UROC1: variants seen among roughly 807,000 people sequenced by gnomAD.
UROC1 encodes urocanate hydratase.
UROC1 carries 79 observed loss-of-function variants against 89.5 expected under a neutral mutation model. The observed-to-expected ratio is 0.88, with a 90% CI of 0.74 to 1.06. The LOEUF is 1.06. Among genes scored for constraint, UROC1 ranks in the 50% least tolerant of loss-of-function variants. UROC1 has a pLI of 0.00. For missense variants in UROC1, 885 were observed against 907.8 expected (o/e 0.97, Z 0.32); for synonymous variants, 361 against 354.8 (o/e 1.02, Z -0.20).
At chr3:126,508,666 T>C (rs535356113) in intron 3 of UROC1, among the ~76,000 whole-genome samples, 191 bp from the exon 4 acceptor site, 3 of 152,150 alleles carry the variant, frequency 2.0e-5, no homozygotes, top group Admixed American at 6.5e-5. Flanking sequence ...AGGGTTCAGC[T>C]TGGGGTCAGG....
At chr3:126,483,729 G>A (rs1024965355) in intron 18 of UROC1, among the ~76,000 whole-genome samples, 1 of 152,176 alleles carries the variant, frequency 6.6e-6, no homozygotes, top group Non-Finnish European at 1.5e-5. Flanking sequence ...ACCACCCATT[G>A]GAGGTCATCC....
In UROC1 at chr3:126,505,854, G is replaced by A. The variant is rs1395098099; in HGVS notation, c.670-10C>T. 1 of 1,613,486 alleles carries A rather than the reference G, an allele frequency of 6.2e-7. No individual in the cohort carries two copies. The highest frequency in any genetic ancestry group is 8.5e-7 in the Non-Finnish European group (1 of 1,180,012). ...CATTCAACACGGTGAGCTGCAGGGA[G>A]AAGAGGTGGGGGCTCACTGCCCACT... On this transcript the variant is annotated splice_polypyrimidine_tract_variant and intron_variant, in intron 7 of 19. Coordinates refer to ENST00000290868, the MANE Select transcript of UROC1 (RefSeq NM_144639.3).
intron 3 of UROC1, among the ~76,000 whole-genome samples, chr3:126,509,066 A>G (rs911434610): frequency 1.3e-5 from 2 of 152,074 alleles, no homozygotes; most frequent in African/African-American, 4.8e-5. Context: ...TATAGATTAC[A>G]TGTTAAAATA....
intron 18 of UROC1, 95 bp downstream of exon 18, chr3:126,488,103 G>T: frequency 2.2e-6 from 3 of 1,344,328 alleles, no homozygotes; most frequent in Non-Finnish European, 3.2e-6. Flanking sequence ...GGGAGGTAGG[G>T]CCCAGGACTT....
At chr3:126,498,643 G>A (rs753459347) in intron 13 of UROC1, among the ~76,000 whole-genome samples, 31 of 152,032 alleles carry the variant, frequency 2.0e-4, no homozygotes, top group Admixed American at 2.0e-4. Context: ...AGGCCAGGGG[G>A]TGCCTCCTCC....
intron 12 of UROC1, 114 bp downstream of exon 12, chr3:126,499,943 T>A: frequency 9.7e-7 from 1 of 1,032,632 alleles, no homozygotes. Flanking sequence ...TCGGTCAGGA[T>A]TTGCTGGGCC....
chr3:126,508,438 T>C lies in UROC1; in HGVS notation c.389A>G (p.Gln130Arg). The change falls in exon 4 of 20, where the codon CAG becomes CGG. Residue 130 changes from glutamine to arginine, a missense_variant. By Grantham distance (43) the Gln-to-Arg change is conservative. Transcript: ENST00000290868. ...QELVTYGGNG[Q>R]VFSNWAQFWL... ...TACCTGAGCCCAGTTGCTGAACACC[T>C]GCCCATTTCCTCCATAGGTCACCAG... The C allele has an allele frequency of 6.2e-7, 1 of 1,613,922 alleles. No individual in the cohort carries two copies. Among genetic ancestry groups the C allele is most frequent in the South Asian group, 1.1e-5 (1 of 91,042 alleles).
intron 9 of UROC1, chr3:126,502,050 A>C: frequency 1.5e-6 from 2 of 1,295,280 alleles, no homozygotes; most frequent in South Asian, 3.2e-5. Context: ...AGTTCCTTAA[A>C]CTGATTTTGA....
At chr3:126,483,089 C>T (rs573322795) in intron 19 of UROC1, among the ~76,000 whole-genome samples, 14 of 152,318 alleles carry the variant, frequency 9.2e-5, no homozygotes, top group African/African-American at 3.1e-4. Context: ...GCTCACGCTC[C>T]GGGCCCAGCC....
At chr3:126,497,167 G>A (rs1935795656) in intron 14 of UROC1, among the ~76,000 whole-genome samples, 1 of 152,160 alleles carries the variant, frequency 6.6e-6, no homozygotes, top group Admixed American at 6.5e-5. Flanking sequence ...GTGTAACCTG[G>A]GCCCCTGCCC....
At chr3:126,507,133 T>C (rs2107547673) in intron 6 of UROC1, among the ~76,000 whole-genome samples, 1 of 150,886 alleles carries the variant, frequency 6.6e-6, no homozygotes, top group Middle Eastern at 3.4e-3. Context: ...AATGAAAAGC[T>C]TTCATTCCCT....
chr3:126,505,648 G>GGAGA, intron 8 of UROC1, 53 bp downstream of exon 8: 4 of 1,601,764 alleles, frequency 2.5e-6, no homozygotes, highest in Non-Finnish European at 3.4e-6. Context: ...AGGGAGGGAG[G>GGAGA]GAGGGAGGGA....
rs781249685 is a variant in UROC1 at position 126,505,822 on chromosome 3, C to T, written c.692G>A (p.Arg231His). ...CAAGTCCTCGATGCCCAGGTACCGA[C>T]GTGCAGCATTCAACACGGTGAGCTG... ...GTVLTVLNAARRYLGIEDLAG... is the reference protein window; with the variant it reads ...GTVLTVLNAAHRYLGIEDLAG... The change falls in exon 8 of 20, where the codon CGT becomes CAT. Residue 231 changes from arginine to histidine, a missense_variant. Arg to His is a conservative substitution (Grantham distance 29, BLOSUM62 0). Coordinates refer to ENST00000290868, the MANE Select transcript of UROC1 (RefSeq NM_144639.3). The T allele has an allele frequency of 6.2e-6, 10 of 1,613,740 alleles. No homozygotes were observed. Among genetic ancestry groups the T allele is most frequent in the African/African-American group, 2.7e-5 (2 of 74,932 alleles).
intron 16 of UROC1, among the ~76,000 whole-genome samples, chr3:126,489,920 G>T (rs1261883717): frequency 2.0e-5 from 3 of 152,222 alleles, no homozygotes; most frequent in Non-Finnish European, 4.4e-5. Flanking sequence ...CAGAAAAATT[G>T]TTAAGTCCGA....
At chr3:126,487,228 G>C (rs899147172) in intron 18 of UROC1, among the ~76,000 whole-genome samples, 1 of 152,126 alleles carries the variant, frequency 6.6e-6, no homozygotes, top group Non-Finnish European at 1.5e-5. Context: ...TGGCTCCATC[G>C]CCAGCTCTGT....
intron 15 of UROC1, among the ~76,000 whole-genome samples, chr3:126,493,289 G>A (rs1560118103): frequency 6.6e-6 from 1 of 152,178 alleles, no homozygotes; most frequent in East Asian, 1.9e-4. Context: ...TGATGAAGAA[G>A]CCCCCAATGA....
intron 1 of UROC1, 65 bp from the exon 2 acceptor site, chr3:126,510,859 C>T (rs963872434): frequency 2.3e-5 from 37 of 1,584,078 alleles, no homozygotes; most frequent in Middle Eastern, 2.1e-4. Context: ...TGAGGCCCCG[C>T]GATGGGCCAT....
At position 126,482,339 on chromosome 3, in the gene UROC1, G is replaced by A; in HGVS notation, c.*6C>T. ...AGGGAGGCAGGGGCCGCGACTCCTG[G>A]CTCCCTCAGAGCTGCAGGGCCTGCT... On this transcript the variant is annotated 3_prime_UTR_variant, in exon 20 of 20. Coordinates refer to ENST00000290868, the MANE Select transcript of UROC1 (RefSeq NM_144639.3). 1 of 1,611,878 alleles carries A rather than the reference G, an allele frequency of 6.2e-7. No individual in the cohort carries two copies. The highest frequency in any genetic ancestry group is 8.5e-7 in the Non-Finnish European group (1 of 1,179,166).
chr3:126,504,127 G>A, intron 8 of UROC1, 44 bp from the exon 9 acceptor site: 3 of 1,599,164 alleles, frequency 1.9e-6, no homozygotes, highest in Non-Finnish European at 2.6e-6. Context: ...GGGCCACCCG[G>A]TTACAAATCT....
Sources: gnomAD v4.1 joint callset for allele counts (sites outside exome capture counted in the v4.1 genomes callset) on GRCh38, gnomAD v4.1.1 for gene constraint, MANE v1.5 for transcripts, NCBI Gene and HGNC (gene_info 2026-07-23, HGNC 2026-07-21) for gene names.